DHRS4L2: variants seen among roughly 807,000 people sequenced by gnomAD.
DHRS4L2 encodes the protein dehydrogenase/reductase 4 like 2, also known as dehydrogenase/reductase SDR family member 4-like 2.
A neutral mutation model predicts 23.9 loss-of-function variants in DHRS4L2; 22 were observed. The observed-to-expected ratio is 0.92, with a 90% CI of 0.66 to 1.31. The LOEUF is 1.31. DHRS4L2 is among the 40% of genes most tolerant of loss of function. DHRS4L2 has a pLI of 0.00. For synonymous variants in DHRS4L2, 141 were observed against 123.7 expected, an observed-to-expected ratio of 1.14 and a Z score of -0.93; for missense variants, 385 against 303.3, an observed-to-expected ratio of 1.27 and a Z score of -2.00.
At chr14:23,992,176 C>G (rs1003397378) in intron 2 of DHRS4L2, among the ~76,000 whole-genome samples, 2 of 151,588 alleles carry the variant, frequency 1.3e-5, no homozygotes, top group Non-Finnish European at 2.9e-5. Flanking sequence ...GCTAATCTGG[C>G]TCTGGTAGGA....
At chr14:23,999,511 A>T (rs1314238773) in intron 3 of DHRS4L2, among the ~76,000 whole-genome samples, 1 of 149,562 alleles carries the variant, frequency 6.7e-6, no homozygotes, top group Non-Finnish European at 1.5e-5. Context: ...AAAAACACAC[A>T]CACACATTTG....
At chr14:23,969,896 G>C (rs750854133) in exon 1 of DHRS4L2, 56 of 427,032 alleles carry the variant, frequency 1.3e-4, no homozygotes, top group South Asian at 7.8e-4. Flanking sequence ...GCAGCTCTCC[G>C]GGCCGGCGTG....
chr14:23,977,018 G>C (rs1490183678), intron 1 of DHRS4L2, among the ~76,000 whole-genome samples: 1 of 151,716 alleles, frequency 6.6e-6, no homozygotes, highest in Non-Finnish European at 1.5e-5. Context: ...ACGAGTTGAT[G>C]GATCCAGCAA....
chr14:23,993,937 T>C (rs1250153475), intron 2 of DHRS4L2, among the ~76,000 whole-genome samples: 13 of 151,630 alleles, frequency 8.6e-5, no homozygotes, highest in Non-Finnish European at 1.8e-4. Context: ...CACTACTGAC[T>C]AGCTTTGTGC....
upstream of DHRS4L2, among the ~76,000 whole-genome samples, chr14:23,984,805 CA>C (rs568852943): frequency 0.012 from 787 of 67,434 alleles, 3 homozygotes; most frequent in Middle Eastern, 0.027. Flanking sequence ...GATGCCATCT[CA>C]AAAAAAAAAA....
chr14:23,989,473 G>C (rs1566493883), intron 1 of DHRS4L2, among the ~76,000 whole-genome samples: 4 of 151,402 alleles, frequency 2.6e-5, no homozygotes, highest in Admixed American at 1.3e-4. Flanking sequence ...GCTCCAGAAA[G>C]TGTCCCGGAA....
At chr14:23,976,306 A>T (rs1451397624) in intron 1 of DHRS4L2, among the ~76,000 whole-genome samples, 7 of 151,956 alleles carry the variant, frequency 4.6e-5, no homozygotes, top group African/African-American at 1.7e-4. Flanking sequence ...GTATGAACAG[A>T]AACTTCTCAA....
intron 1 of DHRS4L2, among the ~76,000 whole-genome samples, chr14:23,989,532 T>G (rs575960237): frequency 6.6e-6 from 1 of 151,812 alleles, no homozygotes; most frequent in South Asian, 2.1e-4. Flanking sequence ...GTCGAGACTT[T>G]TTTTTAGGTC....
At chr14:23,979,078 C>G (rs200462311) in intron 1 of DHRS4L2, among the ~76,000 whole-genome samples, 7,045 of 135,732 alleles carry the variant, frequency 0.052, 331 homozygotes, top group East Asian at 0.15. Flanking sequence ...CACACATAGG[C>G]TCAAAATAAA....
chr14:23,979,077 G>A (rs1323506357), intron 1 of DHRS4L2, among the ~76,000 whole-genome samples: 1 of 141,212 alleles, frequency 7.1e-6, no homozygotes, highest in Non-Finnish European at 1.5e-5. Flanking sequence ...ACACACATAG[G>A]CTCAAAATAA....
chr14:23,983,493 A>T (rs1200905727), intron 1 of DHRS4L2, among the ~76,000 whole-genome samples: 1 of 151,622 alleles, frequency 6.6e-6, no homozygotes, highest in African/African-American at 2.4e-5. Flanking sequence ...AAGACCTATA[A>T]CCTGAAACAC....
chr14:23,970,676 C>G (rs1324903756), intron 1 of DHRS4L2, among the ~76,000 whole-genome samples: 3 of 152,064 alleles, frequency 2.0e-5, no homozygotes, highest in African/African-American at 7.2e-5. Context: ...CCGAGTGGGT[C>G]CCTGACCCCC....
Position 23,992,383 on chromosome 14 carries a change from G to C in DHRS4L2, c.306+2024G>C, listed in dbSNP as rs975276505. Among the ~76,000 whole-genome samples, 5 of 151,544 alleles carry C rather than the reference G, an allele frequency of 3.3e-5. 1 individual carries two copies. Among genetic ancestry groups the C allele is most frequent in the African/African-American group, 1.2e-4 (5 of 41,284 alleles). On this transcript the variant is annotated intron_variant, in intron 2 of 7. Coordinates refer to ENST00000335125, the MANE Select transcript of DHRS4L2 (RefSeq NM_198083.4). ...AAAATGACTCTCAGGTAGTTTGTATGACCATTGTCAGAGAAGAGAATGATA... is the reference window on the plus strand; with the variant it reads ...AAAATGACTCTCAGGTAGTTTGTATCACCATTGTCAGAGAAGAGAATGATA...
intron 3 of DHRS4L2, among the ~76,000 whole-genome samples, chr14:23,999,364 A>C (rs1302502652): frequency 6.9e-6 from 1 of 145,348 alleles, no homozygotes; most frequent in Non-Finnish European, 1.5e-5. Context: ...AAAAAAAAAA[A>C]AAAAAAAAAA....
upstream of DHRS4L2, among the ~76,000 whole-genome samples, chr14:23,987,749 G>T (rs1428155933): frequency 2.0e-5 from 3 of 151,852 alleles, no homozygotes; most frequent in East Asian, 1.9e-4. Flanking sequence ...CACTGTAATT[G>T]TTTCCTTTTC....
At chr14:23,996,810 T>G (rs1476128238) in intron 3 of DHRS4L2, among the ~76,000 whole-genome samples, 1 of 151,790 alleles carries the variant, frequency 6.6e-6, no homozygotes, top group Non-Finnish European at 1.5e-5. Context: ...CTGGCTAATT[T>G]TTTGTATTGA....
intron 1 of DHRS4L2, among the ~76,000 whole-genome samples, chr14:23,972,981 C>G (rs994699798): frequency 5.9e-5 from 9 of 151,962 alleles, no homozygotes; most frequent in Non-Finnish European, 8.8e-5. Context: ...CATGTCTCGC[C>G]TCCCACCATA....
At chr14:23,980,972 G>A (rs2034040796) in intron 1 of DHRS4L2, among the ~76,000 whole-genome samples, 1 of 151,660 alleles carries the variant, frequency 6.6e-6, no homozygotes. Flanking sequence ...TCAGGCAAGA[G>A]GAAGAAATAA....
chr14:23,973,234 C>G (rs560435812), intron 1 of DHRS4L2, among the ~76,000 whole-genome samples: 1 of 152,092 alleles, frequency 6.6e-6, no homozygotes, highest in East Asian at 1.9e-4. Context: ...AAACCTTGGA[C>G]AATACCCTGC....
Sources: allele counts gnomAD v4.1 joint callset (sites outside exome capture counted in the v4.1 genomes callset), GRCh38; gene constraint gnomAD v4.1.1; transcripts MANE v1.5; gene names NCBI Gene and HGNC (gene_info 2026-07-23, HGNC 2026-07-21).